Variants in ENPP1 observed in about 807,000 individuals in gnomAD.
The protein encoded by ENPP1 is ectonucleotide pyrophosphatase/phosphodiesterase family member 1.
ENPP1 carries 73 observed loss-of-function variants against 122.8 expected under a neutral mutation model. The observed-to-expected ratio is 0.59, with a 90% CI of 0.49 to 0.72. ENPP1 has a LOEUF of 0.72. Ranked by LOEUF, ENPP1 falls within the 30% of genes least tolerant of loss-of-function variation. The probability of loss-of-function intolerance (pLI) is 0.00; values close to 1 mark genes in which losing one functional copy is unlikely to be tolerated. For synonymous variants in ENPP1, 367 were observed against 391.6 expected, an observed-to-expected ratio of 0.94 and a Z score of 0.74; for missense variants, 978 against 1,128.1, an observed-to-expected ratio of 0.87 and a Z score of 1.91.
In ENPP1 at chr6:131,894,151, TCA is replaced by T. The variant is rs1782512637; in HGVS notation, c.*3642_*3643del. On this transcript the variant is annotated 3_prime_UTR_variant, in exon 25 of 25. Transcript: ENST00000647893. ...TGTATTTTTAGTAGAGAATGGAGTT[TCA>T]CCGTGTTAGCCAGGATGGTCTCGAT... 6.6e-6 allele frequency: 1 copy of T among 151,984 alleles called. No homozygotes were observed. The highest frequency in any genetic ancestry group is 1.5e-5 in the Non-Finnish European group (1 of 68,090). The allele number at this position is 151,984 out of a possible 1,614,324, so 9.4% of individuals were successfully genotyped here.
At chr6:131,857,666 G>A (rs527808125) in intron 6 of ENPP1, among the ~76,000 whole-genome samples, 2 of 152,162 alleles carry the variant, frequency 1.3e-5, no homozygotes, top group African/African-American at 4.8e-5. Context: ...GGGGTGAGGG[G>A]GGAGCGATAG....
At chr6:131,871,074 A>G (rs1436755235) in intron 13 of ENPP1, among the ~76,000 whole-genome samples, 2 of 142,434 alleles carry the variant, frequency 1.4e-5, no homozygotes, top group East Asian at 2.0e-4. Context: ...GACTCCATCT[A>G]AAAAAAAAAA....
chr6:131,889,139 A>G (rs1248517491), intron 24 of ENPP1, among the ~76,000 whole-genome samples: 2 of 152,372 alleles, frequency 1.3e-5, no homozygotes, highest in East Asian at 3.9e-4. Context: ...TGAGGAGGAT[A>G]CAGATAAAGG....
chr6:131,886,044 G>A (rs1356184684), intron 23 of ENPP1, among the ~76,000 whole-genome samples: 1 of 152,142 alleles, frequency 6.6e-6, no homozygotes, highest in Non-Finnish European at 1.5e-5. Context: ...AAAGATGTTT[G>A]GGACATCTTT....
At position 131,890,745 on chromosome 6, in the gene ENPP1, G is replaced by C. The variant is rs900068056; in HGVS notation, c.*234G>C. 3.7e-6 allele frequency: 2 copies of C among 537,794 alleles called. No homozygotes were observed. Among genetic ancestry groups the C allele is most frequent in the Non-Finnish European group, 6.7e-6 (2 of 300,420 alleles). 33.3% of individuals were successfully genotyped at this position (537,794 alleles called of 1,614,324 possible). A position where few individuals can be genotyped will look rare whatever the true frequency, so the allele number is the denominator to read the frequency against. On this transcript the variant is annotated 3_prime_UTR_variant, in exon 25 of 25. Transcript: ENST00000647893. ...AGCATTGTATACATTGATCAAGTTC[G>C]GGGGAATAAAGACAGACCACACCTA...
chr6:131,822,670 T>G (rs1781496939), intron 1 of ENPP1, among the ~76,000 whole-genome samples: 1 of 152,158 alleles, frequency 6.6e-6, no homozygotes, highest in African/African-American at 2.4e-5. Context: ...AGTTTACCAT[T>G]GATAGACAGC....
In ENPP1 at chr6:131,886,564, AAAG is replaced by A. The variant is rs780709634; in HGVS notation, c.2452_2454del (p.Arg818del). The A allele has an allele frequency of 3.1e-6, 5 of 1,610,466 alleles. No homozygotes were observed. The highest frequency in any genetic ancestry group is 3.4e-6 in the Non-Finnish European group (4 of 1,176,738). ...ATGAATATTGGCATGTTTTACAGAA[AAAG>A]AAGAGTCATCCGTAACCAAGAAATT... On this transcript the variant is annotated inframe_deletion, in exon 24 of 25. Transcript: ENST00000647893.
intron 16 of ENPP1, among the ~76,000 whole-genome samples, chr6:131,875,172 T>C (rs1266086376): frequency 6.6e-6 from 1 of 152,116 alleles, no homozygotes; most frequent in East Asian, 1.9e-4. Context: ...GTGCAATATA[T>C]CCATGTAACA....
In ENPP1 at chr6:131,849,996, G is replaced by A; in HGVS notation, c.320G>A (p.Ser107Asn). 1 of 1,612,638 alleles carries A rather than the reference G, an allele frequency of 6.2e-7. No individual in the cohort carries two copies. Among genetic ancestry groups the A allele is most frequent in the Non-Finnish European group, 8.5e-7 (1 of 1,178,654 alleles). ...LKPSCAKEVKSCKGRCFERTF... is the reference protein window; with the variant it reads ...LKPSCAKEVKNCKGRCFERTF... ...TATCGTTCAATTTTTTCAGTTAAAA[G>A]TTGCAAAGGTCGCTGTTTCGAGAGA... The change falls in exon 3 of 25, where the codon AGT becomes AAT. Residue 107 changes from serine to asparagine, a missense_variant. Ser to Asn is a conservative substitution (Grantham distance 46). This residue lies in a region of ENPP1 where 330 missense variants were observed against 328.5 expected (regional missense o/e 1.00). Coordinates refer to ENST00000647893, the MANE Select transcript of ENPP1 (RefSeq NM_006208.3).
chr6:131,844,812 C>A (rs902371392), intron 1 of ENPP1, among the ~76,000 whole-genome samples: 1 of 152,064 alleles, frequency 6.6e-6, no homozygotes, highest in Admixed American at 6.6e-5. Context: ...AGTGACACTG[C>A]CACAAAACTT....
chr6:131,871,979 CAG>C, intron 13 of ENPP1, 89 bp from the exon 14 acceptor site: 1 of 968,048 alleles, frequency 1.0e-6, no homozygotes, highest in Non-Finnish European at 1.6e-6. Context: ...TATTTAAATG[CAG>C]AGTTTGGATC....
chr6:131,874,841 TACAC>T (rs71710516), intron 16 of ENPP1, among the ~76,000 whole-genome samples: 6 of 149,216 alleles, frequency 4.0e-5, no homozygotes, highest in African/African-American at 1.3e-4. Flanking sequence ...TATATATATA[TACAC>T]ACACACACAC....
chr6:131,874,821 G>A (rs867528965), intron 16 of ENPP1, among the ~76,000 whole-genome samples: 5 of 136,102 alleles, frequency 3.7e-5, no homozygotes, highest in Admixed American at 3.5e-4. Flanking sequence ...GATTAAAAAT[G>A]TGTGAGATAT....
chr6:131,894,217 G>A lies in ENPP1; in HGVS notation c.*3706G>A, dbSNP rs12205225. 4,876 of 152,102 alleles carry A rather than the reference G, an allele frequency of 0.032. 98 individuals carry two copies. Among genetic ancestry groups the A allele is most frequent in the African/African-American group, 0.048 (1,993 of 41,380 alleles). 9.4% of individuals were successfully genotyped at this position (152,102 alleles called of 1,614,324 possible). A position where few individuals can be genotyped will look rare whatever the true frequency, so the allele number is the denominator to read the frequency against. On this transcript the variant is annotated 3_prime_UTR_variant, in exon 25 of 25. Transcript: ENST00000647893. ...GATCTGCCCGCCTCGGCCTCCCAAA[G>A]TGCTGGGATTACAGGCTCGAGCCAC... is the stretch of plus-strand genomic sequence containing the variant.
Position 131,875,674 on chromosome 6 carries a change from T to G in ENPP1, c.1636-102T>G, listed in dbSNP as rs1207373040. The G allele has an allele frequency of 8.1e-6, 7 of 861,348 alleles. No homozygotes were observed. In the East Asian group the frequency reaches 1.7e-4, roughly 21 times the overall value. 53.4% of individuals were successfully genotyped at this position (861,348 alleles called of 1,614,324 possible). On this transcript the variant is annotated intron_variant, in intron 16 of 24. Coordinates refer to ENST00000647893, the MANE Select transcript of ENPP1 (RefSeq NM_006208.3). ...GCGTGGTAGTTTTCCTCTTATCTTA[T>G]CATAACCAGTTTGTATATGTACAAT... is the stretch of plus-strand genomic sequence containing the variant.
intron 1 of ENPP1, among the ~76,000 whole-genome samples, chr6:131,829,712 G>A (rs1781586890): frequency 6.6e-6 from 1 of 152,214 alleles, no homozygotes; most frequent in African/African-American, 2.4e-5. Flanking sequence ...CCTGAGAAGA[G>A]TAACAGAAGG....
At chr6:131,816,991 C>T (rs76662156) in intron 1 of ENPP1, among the ~76,000 whole-genome samples, 3,069 of 152,240 alleles carry the variant, frequency 0.02, 92 homozygotes, top group African/African-American at 0.069. Context: ...TTCCTAGGCT[C>T]CAATCTCAGT....
chr6:131,835,770 C>T (rs1331142096), intron 1 of ENPP1, among the ~76,000 whole-genome samples: 1 of 152,086 alleles, frequency 6.6e-6, no homozygotes, highest in East Asian at 1.9e-4. Flanking sequence ...CTCATGTGTC[C>T]ATGTGTTCTC....
intron 1 of ENPP1, among the ~76,000 whole-genome samples, chr6:131,817,279 C>T (rs148185929): frequency 2.5e-3 from 388 of 152,276 alleles, no homozygotes; most frequent in Middle Eastern, 0.014. Flanking sequence ...TGTTGGGTTT[C>T]CAACTCTCCT....
Sources: gnomAD v4.1 joint callset for allele counts (sites outside exome capture counted in the v4.1 genomes callset) on GRCh38, gnomAD v4.1.1 for gene constraint, gnomAD v4.1.1 regional missense constraint, MANE v1.5 for transcripts, NCBI Gene and HGNC (gene_info 2026-07-23, HGNC 2026-07-21) for gene names.